FAM81A: variants seen among roughly 807,000 people sequenced by gnomAD.
FAM81A encodes protein FAM81A.
Under a neutral mutation model 46.7 loss-of-function variants are expected in FAM81A, and 19 were observed. That is an observed-to-expected ratio of 0.41 (90% CI 0.28 to 0.60). The LOEUF is 0.60. Among genes scored for constraint, FAM81A ranks in the 20% least tolerant of loss-of-function variants. The probability of loss-of-function intolerance (pLI) is 0.34; values close to 1 mark genes in which losing one functional copy is unlikely to be tolerated. For missense variants in FAM81A, 377 were observed against 453.5 expected, an observed-to-expected ratio of 0.83 and a Z score of 1.53; for synonymous variants, 183 against 152.9, an observed-to-expected ratio of 1.20 and a Z score of -1.45.
intron 6 of FAM81A, among the ~76,000 whole-genome samples, chr15:59,510,146 A>C (rs1223386311): frequency 6.6e-6 from 1 of 152,148 alleles, no homozygotes; most frequent in African/African-American, 2.4e-5. Flanking sequence ...CAGATGGATC[A>C]CCTGAGGGCA....
At chr15:59,477,244 T>A (rs2081783829) in intron 3 of FAM81A, among the ~76,000 whole-genome samples, 1 of 152,072 alleles carries the variant, frequency 6.6e-6, no homozygotes, top group Non-Finnish European at 1.5e-5. Flanking sequence ...ATGTAAAAGG[T>A]GTATTTTTTA....
rs372437721 is a variant in FAM81A, at chr15:59,508,981, A to T, written c.650+12A>T. 1 of 1,591,552 alleles carries T rather than the reference A, an allele frequency of 6.3e-7. No individual in the cohort carries two copies. The highest frequency in any genetic ancestry group is 8.6e-7 in the Non-Finnish European group (1 of 1,168,678). ...CTTTTGGACACTAAGTAAGCAATCA[A>T]TTTATTAAAAAAATAAAACTTAAAG... On this transcript the variant is annotated intron_variant, in intron 6 of 8. Coordinates refer to ENST00000288228, the MANE Select transcript of FAM81A (RefSeq NM_152450.3).
chr15:59,436,148 T>C (rs2081241933), upstream of FAM81A, among the ~76,000 whole-genome samples: 1 of 152,214 alleles, frequency 6.6e-6, no homozygotes, highest in African/African-American at 2.4e-5. Context: ...GAAATGAAAG[T>C]CAGCCTAAAT....
intron 3 of FAM81A, among the ~76,000 whole-genome samples, chr15:59,478,458 T>C (rs2081802288): frequency 6.6e-6 from 1 of 152,210 alleles, no homozygotes. Context: ...GACAGTGATG[T>C]TAACATGTAG....
In FAM81A at chr15:59,521,709, GT is replaced by G. The variant is rs2082330233; in HGVS notation, c.*334del. ...AATGCTTGATGCACTAATGAAGACT[GT>G]TTACTATTTTGAAAAATGTCATGGG... On this transcript the variant is annotated 3_prime_UTR_variant, in exon 9 of 9. Transcript: ENST00000288228. 5.6e-6 allele frequency: 1 copy of G among 179,556 alleles called. No individual in the cohort carries two copies. Among genetic ancestry groups the G allele is most frequent in the Non-Finnish European group, 1.2e-5 (1 of 86,594 alleles). 11.1% of individuals were successfully genotyped at this position (179,556 alleles called of 1,614,324 possible). A position where few individuals can be genotyped will look rare whatever the true frequency, so the allele number is the denominator to read the frequency against.
chr15:59,429,368 C>T (rs1162272220), intron 2 of FAM81A, among the ~76,000 whole-genome samples: 4 of 152,180 alleles, frequency 2.6e-5, no homozygotes, highest in Non-Finnish European at 5.9e-5. Flanking sequence ...TCTTCTACAA[C>T]TTGTGCAACT....
chr15:59,430,742 A>C (rs1408150280), intron 2 of FAM81A, among the ~76,000 whole-genome samples: 3 of 152,204 alleles, frequency 2.0e-5, no homozygotes, highest in Non-Finnish European at 4.4e-5. Flanking sequence ...TAGGAGCTGC[A>C]TGTACATTTG....
intron 2 of FAM81A, among the ~76,000 whole-genome samples, chr15:59,411,341 A>G (rs1246161289): frequency 6.6e-6 from 1 of 152,180 alleles, no homozygotes; most frequent in Non-Finnish European, 1.5e-5. Context: ...GATGAGTATC[A>G]ATCCATAGCA....
intron 3 of FAM81A, among the ~76,000 whole-genome samples, chr15:59,486,386 G>A (rs2081917540): frequency 1.3e-5 from 2 of 152,124 alleles, no homozygotes; most frequent in South Asian, 2.1e-4. Flanking sequence ...GCACACCTAC[G>A]AGATCTAGAA....
intron 2 of FAM81A, among the ~76,000 whole-genome samples, chr15:59,414,493 G>A (rs2081137096): frequency 6.6e-6 from 1 of 152,128 alleles, no homozygotes; most frequent in Admixed American, 6.5e-5. Context: ...GAGAGGAGGA[G>A]GTATGTAGGC....
intron 4 of FAM81A, among the ~76,000 whole-genome samples, chr15:59,505,112 T>G (rs1419352176): frequency 6.6e-6 from 1 of 152,224 alleles, no homozygotes; most frequent in Non-Finnish European, 1.5e-5. Context: ...TCCATGTTTC[T>G]TAACTATTTT....
At chr15:59,520,668 A>G (rs1353200832) in intron 8 of FAM81A, among the ~76,000 whole-genome samples, 1 of 151,276 alleles carries the variant, frequency 6.6e-6, no homozygotes, top group Non-Finnish European at 1.5e-5. Context: ...GGTTCAAGCA[A>G]TTCTCCCTGC....
At chr15:59,474,983 A>C (rs1243196615) in intron 3 of FAM81A, among the ~76,000 whole-genome samples, 1 of 152,152 alleles carries the variant, frequency 6.6e-6, no homozygotes, top group Non-Finnish European at 1.5e-5. Context: ...TTGTTTATGA[A>C]ACTAGATAAT....
At chr15:59,512,695 T>A (rs2082225441) in intron 6 of FAM81A, among the ~76,000 whole-genome samples, 1 of 152,046 alleles carries the variant, frequency 6.6e-6, no homozygotes, top group African/African-American at 2.4e-5. Context: ...CAGGCTAGCT[T>A]CCATGCTGGC....
chr15:59,430,247 T>C (rs1050105136), intron 2 of FAM81A, among the ~76,000 whole-genome samples: 1 of 140,824 alleles, frequency 7.1e-6, no homozygotes, highest in Non-Finnish European at 1.5e-5. Context: ...TACACAGACC[T>C]ATTTCCCTTT....
At chr15:59,405,613 C>T (rs1161415494) in intron 2 of FAM81A, among the ~76,000 whole-genome samples, 1 of 151,092 alleles carries the variant, frequency 6.6e-6, no homozygotes, top group African/African-American at 2.4e-5. Flanking sequence ...TGCACACCAG[C>T]CTGGGCGACA....
chr15:59,475,482 A>G (rs2081755024), intron 3 of FAM81A, among the ~76,000 whole-genome samples: 1 of 152,164 alleles, frequency 6.6e-6, no homozygotes, highest in Non-Finnish European at 1.5e-5. Context: ...TGAAAAATTT[A>G]CAATGCAGTG....
At chr15:59,434,767 C>T (rs2081235703), upstream of FAM81A, among the ~76,000 whole-genome samples, 1 of 152,204 alleles carries the variant, frequency 6.6e-6, no homozygotes, top group Middle Eastern at 3.2e-3. Flanking sequence ...TTGCTGAGGA[C>T]AAAACAAAGT....
intron 4 of FAM81A, among the ~76,000 whole-genome samples, chr15:59,500,652 T>C (rs2082081751): frequency 6.6e-6 from 1 of 151,858 alleles, no homozygotes; most frequent in Non-Finnish European, 1.5e-5. Context: ...TTTACTGGTG[T>C]CTCATTTTTT....
Sources: allele counts gnomAD v4.1 joint callset (sites outside exome capture counted in the v4.1 genomes callset), GRCh38; gene constraint gnomAD v4.1.1; transcripts MANE v1.5; gene names NCBI Gene and HGNC (gene_info 2026-07-23, HGNC 2026-07-21).